Variants in DISC1 observed in about 807,000 individuals in gnomAD.
The protein encoded by DISC1 is DISC1 scaffold protein, also known as disrupted in schizophrenia 1 protein.
In DISC1, 57 loss-of-function variants were observed where a neutral mutation model predicts 84.5. The observed-to-expected ratio is 0.67, with a 90% CI of 0.55 to 0.84. DISC1 has a LOEUF of 0.84. Ranked by LOEUF, DISC1 falls within the 40% of genes least tolerant of loss-of-function variation. DISC1 has a pLI of 0.00. For missense variants in DISC1, 1,000 were observed against 1,057.8 expected (o/e 0.95, Z 0.76); for synonymous variants, 411 against 415.2 (o/e 0.99, Z 0.12).
intron 1 of DISC1, among the ~76,000 whole-genome samples, chr1:231,676,265 ATCATCCAT>A (rs1382103873): frequency 6.6e-6 from 1 of 152,244 alleles, no homozygotes; most frequent in African/African-American, 2.4e-5. Context: ...TCCCGATGCT[ATCATCCAT>A]TATGTTGAAG....
chr1:231,859,089 A>G (rs1558659378), intron 9 of DISC1, among the ~76,000 whole-genome samples: 2 of 152,106 alleles, frequency 1.3e-5, no homozygotes, highest in East Asian at 3.8e-4. Flanking sequence ...AAACCAGCAT[A>G]CTTCTGGTTC....
Position 232,009,347 on chromosome 1 carries a change from TTATA to T in DISC1, c.2307+302_2307+305del. 1 of 1,030,550 alleles carries T rather than the reference TTATA, an allele frequency of 9.7e-7. No homozygotes were observed. The highest frequency in any genetic ancestry group is 1.2e-6 in the Non-Finnish European group (1 of 826,526). The allele number at this position is 1,030,550 out of a possible 1,614,324, so 63.8% of individuals were successfully genotyped here. A position where few individuals can be genotyped will look rare whatever the true frequency, so the allele number is the denominator to read the frequency against. On this transcript the variant is annotated intron_variant, in intron 11 of 12. Transcript: ENST00000439617. This position sits in a 1 kb window ranked among gnomAD's most constrained non-coding sequence, Gnocchi z 4.6. The stretch of plus-strand genomic sequence containing the variant: ...ATAGAATTACCATATATAGCATACA[TTATA>T]TATGTCATATATAATATAGTTATTA...
chr1:231,843,948 T>A (rs1024499527), intron 9 of DISC1, among the ~76,000 whole-genome samples: 1 of 152,020 alleles, frequency 6.6e-6, no homozygotes, highest in Non-Finnish European at 1.5e-5. Flanking sequence ...GCCGTGCAGA[T>A]AGATGAGAGT....
intron 10 of DISC1, among the ~76,000 whole-genome samples, chr1:231,962,699 T>C (rs1237059376): frequency 6.6e-6 from 1 of 152,180 alleles, no homozygotes; most frequent in East Asian, 1.9e-4. Context: ...ACAGTGGATG[T>C]GGGAGTTATG....
intron 9 of DISC1, among the ~76,000 whole-genome samples, chr1:231,882,317 G>A (rs896061445): frequency 3.9e-5 from 6 of 152,056 alleles, no homozygotes; most frequent in African/African-American, 1.2e-4. Flanking sequence ...GCTGGAACAC[G>A]GCGATGTTTT....
chr1:231,884,126 C>T (rs1361845943), intron 9 of DISC1, among the ~76,000 whole-genome samples: 5 of 152,090 alleles, frequency 3.3e-5, no homozygotes, highest in African/African-American at 7.2e-5. Context: ...CCACTCAGTG[C>T]GGGGTGATGG....
chr1:231,735,975 G>C (rs776233885), intron 3 of DISC1, among the ~76,000 whole-genome samples: 1 of 152,060 alleles, frequency 6.6e-6, no homozygotes, highest in Non-Finnish European at 1.5e-5. Context: ...ACTGCACTTG[G>C]CTACTTATTT....
chr1:231,762,211 TTCTCTTC>T (rs1238148376), intron 4 of DISC1, among the ~76,000 whole-genome samples: 1,044 of 17,288 alleles, frequency 0.06, 20 homozygotes, highest in African/African-American at 0.12. Flanking sequence ...TTCTTTTCTT[TTCTCTTC>T]TTTTCTTTTC....
chr1:231,748,767 C>T (rs1029188122), intron 3 of DISC1, among the ~76,000 whole-genome samples: 3 of 152,138 alleles, frequency 2.0e-5, no homozygotes, highest in Non-Finnish European at 4.4e-5. Flanking sequence ...GGAGGAATTC[C>T]TTGCCTTTTA....
intron 8 of DISC1, among the ~76,000 whole-genome samples, chr1:231,804,077 G>A (rs1025845311): frequency 2.0e-5 from 3 of 151,996 alleles, no homozygotes; most frequent in Non-Finnish European, 4.4e-5. Flanking sequence ...CACAGGCAAG[G>A]GGAAGGAAAC....
rs1308840481 is a variant in DISC1 at position 231,897,315 on chromosome 1, T to C, written c.1982-61513T>C. Among the ~76,000 whole-genome samples, 1 of 152,224 alleles carries C rather than the reference T, an allele frequency of 6.6e-6. No individual in the cohort carries two copies. Among genetic ancestry groups the C allele is most frequent in the African/African-American group, 2.4e-5 (1 of 41,470 alleles). ...AATAGTCAAACCTGATATAGCTTCT[T>C]TGTCACTGTGTCTTTTCCTTGAAAT... On this transcript the variant is annotated intron_variant, in intron 9 of 12. Transcript: ENST00000439617. This position sits in a 1 kb window ranked among gnomAD's most constrained non-coding sequence, Gnocchi z 4.5.
intron 9 of DISC1, among the ~76,000 whole-genome samples, chr1:231,830,796 G>A (rs2082166704): frequency 6.6e-6 from 1 of 152,178 alleles, no homozygotes; most frequent in East Asian, 1.9e-4. Flanking sequence ...AGGGAAAGTG[G>A]TAAAAGTATT....
chr1:231,910,618 G>A (rs546742766), intron 9 of DISC1, among the ~76,000 whole-genome samples: 3 of 152,330 alleles, frequency 2.0e-5, no homozygotes, highest in Non-Finnish European at 4.4e-5. Flanking sequence ...TTTGGAATAA[G>A]TGCGATGTGG....
intron 3 of DISC1, among the ~76,000 whole-genome samples, chr1:231,747,668 T>C (rs2074150823): frequency 6.6e-6 from 1 of 152,224 alleles, no homozygotes; most frequent in Non-Finnish European, 1.5e-5. Flanking sequence ...ACTACAGCTT[T>C]GTAGTATATT....
In DISC1 at chr1:231,924,877, C is replaced by T. The variant is rs1345976646; in HGVS notation, c.1982-33951C>T. On this transcript the variant is annotated intron_variant, in intron 9 of 12. Coordinates refer to ENST00000439617, the MANE Select transcript of DISC1 (RefSeq NM_018662.3). ...TTCACCATGTTAGCCAGGCTGGTCT[C>T]GATCTCCTGACCTCGTGATCTGCCT... is the stretch of plus-strand genomic sequence containing the variant. Among the ~76,000 whole-genome samples the T allele has an allele frequency of 8.2e-4, 124 of 151,692 alleles. 1 individual carries two copies. The highest frequency in any genetic ancestry group is 1.9e-4 in the East Asian group (1 of 5,150).
intron 9 of DISC1, among the ~76,000 whole-genome samples, chr1:231,939,796 G>A (rs1484783821): frequency 6.6e-6 from 1 of 151,726 alleles, no homozygotes; most frequent in African/African-American, 2.4e-5. Context: ...AGGCTGGAGT[G>A]CAGTGGCGCG....
At chr1:231,906,361 G>A (rs934621356) in intron 9 of DISC1, among the ~76,000 whole-genome samples, 2 of 152,172 alleles carry the variant, frequency 1.3e-5, no homozygotes, top group Non-Finnish European at 2.9e-5. Flanking sequence ...TGAGAGAGAC[G>A]TAAGTACAAT....
intron 9 of DISC1, among the ~76,000 whole-genome samples, chr1:231,889,702 T>C: frequency 6.7e-6 from 1 of 150,106 alleles, no homozygotes; most frequent in South Asian, 2.1e-4. Context: ...TCTAGAGCTC[T>C]TCTTACCACA....
intron 11 of DISC1, among the ~76,000 whole-genome samples, chr1:232,019,010 A>C (rs919217809): frequency 6.6e-6 from 1 of 152,216 alleles, no homozygotes; most frequent in East Asian, 1.9e-4. Context: ...GCTTCTTCCA[A>C]GTTCTCATAA....
Sources: gnomAD v4.1 joint callset for allele counts (sites outside exome capture counted in the v4.1 genomes callset) on GRCh38, gnomAD v4.1.1 for gene constraint, Gnocchi (gnomAD v3.1) non-coding constraint, MANE v1.5 for transcripts, NCBI Gene and HGNC (gene_info 2026-07-23, HGNC 2026-07-21) for gene names.